Variants in CPVL observed in about 807,000 individuals in gnomAD.
CPVL encodes probable serine carboxypeptidase CPVL.
In CPVL, 51 loss-of-function variants were observed where a neutral mutation model predicts 63.7. The ratio of observed to expected loss-of-function variants is 0.80; its 90% CI spans 0.64 to 1.01. The LOEUF is 1.01. Among genes scored for constraint, CPVL ranks in the 50% least tolerant of loss-of-function variants. The pLI is 0.00. For synonymous variants in CPVL, 195 were observed against 206.0 expected (o/e 0.95, Z 0.46); for missense variants, 530 against 573.1 (o/e 0.92, Z 0.77).
chr7:29,067,789 G>C (rs901364092), intron 9 of CPVL, among the ~76,000 whole-genome samples: 1 of 152,058 alleles, frequency 6.6e-6, no homozygotes, highest in Non-Finnish European at 1.5e-5. Context: ...CTAATTTTAT[G>C]GGTGAGAAAA....
At chr7:29,092,471 GTGT>G in intron 6 of CPVL, 149 bp downstream of exon 6, 1 of 597,608 alleles carries the variant, frequency 1.7e-6, no homozygotes, top group Non-Finnish European at 3.0e-6. Context: ...ATTCTGCTCT[GTGT>G]GTGTGGATGT....
intron 2 of CPVL, 48 bp from the exon 3 acceptor site, chr7:29,112,870 A>C: frequency 7.8e-7 from 1 of 1,276,338 alleles, no homozygotes; most frequent in Non-Finnish European, 1.1e-6. Flanking sequence ...AAACAATAAC[A>C]ACAAAAATGT....
intron 12 of CPVL, among the ~76,000 whole-genome samples, chr7:28,999,156 G>A (rs1489765809): frequency 6.6e-6 from 1 of 152,106 alleles, no homozygotes; most frequent in Non-Finnish European, 1.5e-5. Flanking sequence ...AGGTTGCAGT[G>A]AGCTAAGATG....
intron 12 of CPVL, among the ~76,000 whole-genome samples, chr7:29,018,213 T>A (rs1203756106): frequency 6.6e-6 from 1 of 151,954 alleles, no homozygotes; most frequent in African/African-American, 2.4e-5. Flanking sequence ...AATATTTATA[T>A]GAAAAATAAT....
chr7:29,128,231 C>G (rs1205142314), intron 1 of CPVL: 1 of 143,176 alleles, frequency 7.0e-6, no homozygotes, highest in East Asian at 2.0e-4. Flanking sequence ...TCTTGGATCT[C>G]TGCTCCTAGG....
chr7:29,097,230 C>A (rs1261399856), intron 3 of CPVL, among the ~76,000 whole-genome samples: 1 of 144,222 alleles, frequency 6.9e-6, no homozygotes, highest in Non-Finnish European at 1.5e-5. Context: ...AATACCATCA[C>A]CTTCAATGAC....
intron 11 of CPVL, among the ~76,000 whole-genome samples, chr7:29,050,352 G>A (rs573783422): frequency 6.6e-6 from 1 of 151,662 alleles, no homozygotes; most frequent in African/African-American, 2.4e-5. Flanking sequence ...TCTTCTATAC[G>A]CAGTGACCAA....
intron 12 of CPVL, chr7:29,009,637 C>CA (rs1329313369): frequency 1.3e-5 from 2 of 151,806 alleles, no homozygotes; most frequent in Admixed American, 6.6e-5. Context: ...TATGTTTTTG[C>CA]AAAATACATA....
intron 12 of CPVL, among the ~76,000 whole-genome samples, chr7:29,021,814 T>C (rs1787011982): frequency 6.6e-6 from 1 of 151,652 alleles, no homozygotes; most frequent in Admixed American, 6.6e-5. Context: ...CCAGACTACA[T>C]CACACCTTTG....
intron 6 of CPVL, among the ~76,000 whole-genome samples, chr7:29,088,059 C>G (rs1243156716): frequency 2.6e-5 from 4 of 152,142 alleles, no homozygotes; most frequent in African/African-American, 9.7e-5. Flanking sequence ...GTTGGAATGG[C>G]AGGAGATAAT....
In CPVL at chr7:29,003,848, C is replaced by T. The variant is rs140640180; in HGVS notation, c.1321-7966G>A. On this transcript the variant is annotated intron_variant, in intron 12 of 12. Coordinates refer to ENST00000265394, the MANE Select transcript of CPVL (RefSeq NM_031311.5). ...CGCACAACTAGATCCCTCACATGCG[C>T]AGTTCACAATAGGGTTCCCCTCCTA... Among the ~76,000 whole-genome samples the T allele has an allele frequency of 6.4e-4, 98 of 152,222 alleles. No homozygotes were observed. The Middle Eastern group carries it at 0.01, about 16-fold the overall frequency.
chr7:29,097,500 G>A (rs1409099022), intron 3 of CPVL, among the ~76,000 whole-genome samples: 1 of 152,148 alleles, frequency 6.6e-6, no homozygotes, highest in Non-Finnish European at 1.5e-5. Context: ...TTCAAGACTA[G>A]CCTGACCAAC....
intron 5 of CPVL, among the ~76,000 whole-genome samples, chr7:29,094,105 C>CT (rs1178313196): frequency 2.6e-5 from 4 of 152,172 alleles, no homozygotes; most frequent in Non-Finnish European, 4.4e-5. Flanking sequence ...CTTTGGGAGG[C>CT]TGAGGTGGGC....
intron 9 of CPVL, among the ~76,000 whole-genome samples, chr7:29,067,068 G>C (rs1357618218): frequency 1.3e-5 from 2 of 152,218 alleles, no homozygotes; most frequent in African/African-American, 4.8e-5. Flanking sequence ...AGGGCTGTAA[G>C]ATCAGTACAT....
At chr7:29,178,622 TTGTC>T (rs749691129) in intron 5 of CPVL, among the ~76,000 whole-genome samples, 12 of 152,218 alleles carry the variant, frequency 7.9e-5, no homozygotes, top group Non-Finnish European at 1.8e-4. Context: ...AAGCAGTTCA[TTGTC>T]TGTGCCTCTT....
intron 1 of CPVL, among the ~76,000 whole-genome samples, chr7:29,133,720 T>C (rs1790923429): frequency 6.6e-6 from 1 of 152,226 alleles, no homozygotes; most frequent in Admixed American, 6.5e-5. Flanking sequence ...TTTAAAGTTA[T>C]AAATCCCAAT....
intron 10 of CPVL, among the ~76,000 whole-genome samples, chr7:29,064,956 T>G (rs1783005364): frequency 6.6e-6 from 1 of 151,378 alleles, no homozygotes. Flanking sequence ...ACACACAAAA[T>G]TGGATTGACT....
At chr7:29,000,019 T>C (rs1395639509) in intron 12 of CPVL, among the ~76,000 whole-genome samples, 2 of 152,120 alleles carry the variant, frequency 1.3e-5, no homozygotes, top group Non-Finnish European at 2.9e-5. Context: ...ACAAGATTAA[T>C]CTCAGGGCTC....
At chr7:29,164,807 A>G (rs978144474) in intron 5 of CPVL, among the ~76,000 whole-genome samples, 3 of 148,812 alleles carry the variant, frequency 2.0e-5, no homozygotes, top group Non-Finnish European at 3.0e-5. Context: ...AAAAACAAAG[A>G]TTATTATTTC....
Sources: allele counts gnomAD v4.1 joint callset (sites outside exome capture counted in the v4.1 genomes callset), GRCh38; gene constraint gnomAD v4.1.1; transcripts MANE v1.5; gene names NCBI Gene and HGNC (gene_info 2026-07-23, HGNC 2026-07-21).